The following NOP9 variants were observed in gnomAD, a reference collection of about 807,000 sequenced individuals.
NOP9 encodes the protein NOP9 nucleolar protein, also known as nucleolar protein 9.
Under a neutral mutation model 63.0 loss-of-function variants are expected in NOP9, and 50 were observed. The observed-to-expected ratio is 0.79, with a 90% confidence interval of 0.63 to 1.00. The LOEUF is 1.00. NOP9 is among the 50% of genes least tolerant of loss of function. The probability of loss-of-function intolerance (pLI) is 0.00; values close to 1 mark genes in which losing one functional copy is unlikely to be tolerated. For missense variants in NOP9, 758 were observed against 803.0 expected (o/e 0.94, Z 0.68); for synonymous variants, 343 against 332.8 (o/e 1.03, Z -0.33).
upstream of NOP9, among the ~76,000 whole-genome samples, chr14:24,295,157 T>C (rs1046516338): frequency 1.3e-5 from 2 of 152,156 alleles, no homozygotes; most frequent in African/African-American, 4.8e-5. Context: ...ATCCTCCCAA[T>C]AGAATACGTA....
At chr14:24,290,586 G>A in the NOP9 span, 1 of 403,096 alleles carries the variant, frequency 2.5e-6, no homozygotes, top group African/African-American at 2.0e-5. Context: ...AGAATCAGCA[G>A]TCAAAAACAC....
chr14:24,300,287 C>T, intron 1 of NOP9, 86 bp downstream of exon 1: 3 of 1,573,696 alleles, frequency 1.9e-6, no homozygotes, highest in Non-Finnish European at 2.6e-6. Context: ...GGCGTGGGGA[C>T]TTAGTTTCAT....
At chr14:24,271,793 G>T in the NOP9 span, 1 of 152,122 alleles carries the variant, frequency 6.6e-6, no homozygotes, top group African/African-American at 2.4e-5. Flanking sequence ...TGTAGTTAGT[G>T]GAAGAGGTTT....
At chr14:24,299,193 T>TG (rs2139108865), upstream of NOP9, 2 of 1,465,184 alleles carry the variant, frequency 1.4e-6, no homozygotes, top group Non-Finnish European at 9.2e-7. Context: ...GGGGCGAGGT[T>TG]GGGGGGTAGG....
the NOP9 span, among the ~76,000 whole-genome samples, chr14:24,278,617 G>C: frequency 2.0e-5 from 3 of 152,362 alleles, no homozygotes; most frequent in East Asian, 5.8e-4. Flanking sequence ...CTGCACAAGA[G>C]TGAGATACGT....
the NOP9 span, among the ~76,000 whole-genome samples, chr14:24,273,176 ATTTTTT>A: frequency 6.5e-5 from 9 of 137,852 alleles, no homozygotes; most frequent in South Asian, 4.6e-4. Flanking sequence ...AGTGCTTTAA[ATTTTTT>A]TTTTTTTTTT....
the NOP9 span, chr14:24,291,017 G>C: frequency 6.2e-7 from 1 of 1,613,910 alleles, no homozygotes; most frequent in South Asian, 1.1e-5. Flanking sequence ...AGGAGGAGGA[G>C]GATTAGATTC....
Position 24,300,572 on chromosome 14 carries a change from T to C in NOP9, c.412T>C (p.Cys138Arg), listed in dbSNP as rs1466297805. 2 of 1,614,096 alleles carry C rather than the reference T, an allele frequency of 1.2e-6. No homozygotes were observed. Among genetic ancestry groups the C allele is most frequent in the Non-Finnish European group, 1.7e-6 (2 of 1,180,052 alleles). ...GCGCTCTAACTTGCGCACTGTGGCC[T>C]GTCACCGATGCGGGGTCCATGTATT... ...ALRSNLRTVACHRCGVHVLQS... is the reference protein window; with the variant it reads ...ALRSNLRTVARHRCGVHVLQS... Residue 138 changes from cysteine (C) to arginine (R), a missense_variant, in exon 2 of 10, where the codon TGT becomes CGT. Coordinates refer to ENST00000267425, the MANE Select transcript of NOP9 (RefSeq NM_174913.3).
chr14:24,301,896 T>C (rs1311213500), intron 3 of NOP9, 69 bp from the exon 4 acceptor site: 6 of 1,549,572 alleles, frequency 3.9e-6, no homozygotes, highest in Non-Finnish European at 5.3e-6. Flanking sequence ...TCTTGTTGCC[T>C]AAAGTTTGAG....
At chr14:24,283,483 C>A in the NOP9 span, among the ~76,000 whole-genome samples, 9 of 152,232 alleles carry the variant, frequency 5.9e-5, no homozygotes, top group Non-Finnish European at 1.0e-4. Context: ...TCCTATAGTC[C>A]CAGCTACTCA....
chr14:24,286,938 G>A, the NOP9 span, among the ~76,000 whole-genome samples: 2 of 151,796 alleles, frequency 1.3e-5, no homozygotes, highest in African/African-American at 4.8e-5. Context: ...TGCCCAGGCT[G>A]GAGTGTAGTG....
At chr14:24,273,076 T>C in the NOP9 span, among the ~76,000 whole-genome samples, 1 of 152,232 alleles carries the variant, frequency 6.6e-6, no homozygotes, top group Non-Finnish European at 1.5e-5. Context: ...TGAGTGTGTG[T>C]GTACCACACG....
the NOP9 span, among the ~76,000 whole-genome samples, chr14:24,282,274 C>G: frequency 6.6e-6 from 1 of 152,150 alleles, no homozygotes; most frequent in African/African-American, 2.4e-5. Flanking sequence ...CAGAGTTATA[C>G]AGATTTGGTC....
chr14:24,299,800 C>T (rs1167383150), upstream of NOP9: 3 of 1,010,882 alleles, frequency 3.0e-6, no homozygotes, highest in Admixed American at 9.1e-5. Flanking sequence ...ACCCACCCCG[C>T]CCGGCTGGGG....
the NOP9 span, among the ~76,000 whole-genome samples, chr14:24,279,974 A>G: frequency 1.3e-5 from 2 of 152,176 alleles, no homozygotes; most frequent in Non-Finnish European, 2.9e-5. Context: ...GGCTAAGGAC[A>G]TACTCCTCTA....
At chr14:24,290,104 C>A in the NOP9 span, among the ~76,000 whole-genome samples, 1 of 152,250 alleles carries the variant, frequency 6.6e-6, no homozygotes, top group Non-Finnish European at 1.5e-5. Context: ...CAGCCTCTTG[C>A]ATAGGCAAGG....
chr14:24,290,879 G>C, the NOP9 span: 2 of 1,613,748 alleles, frequency 1.2e-6, no homozygotes, highest in Non-Finnish European at 1.7e-6. Context: ...CTAGTGTAGA[G>C]GGCAATAATC....
At chr14:24,277,748 C>T in the NOP9 span, among the ~76,000 whole-genome samples, 1 of 152,140 alleles carries the variant, frequency 6.6e-6, no homozygotes, top group Non-Finnish European at 1.5e-5. Context: ...CCGGCCAGGG[C>T]CAGGACTGTG....
the NOP9 span, among the ~76,000 whole-genome samples, chr14:24,282,608 CCT>C: frequency 6.6e-6 from 1 of 152,114 alleles, no homozygotes; most frequent in African/African-American, 2.4e-5. Flanking sequence ...TCTGGAACTG[CCT>C]CTCTAATGAG....
Sources: gnomAD v4.1 joint callset for allele counts (sites outside exome capture counted in the v4.1 genomes callset) on GRCh38, gnomAD v4.1.1 for gene constraint, MANE v1.5 for transcripts, NCBI Gene and HGNC (gene_info 2026-07-23, HGNC 2026-07-21) for gene names.